Variants in HDAC9 observed in about 807,000 individuals in gnomAD.
HDAC9 encodes the protein histone deacetylase 9, also known as MEF-2 interacting transcription repressor (MITR) protein.
Under a neutral mutation model 139.4 loss-of-function variants are expected in HDAC9, and 41 were observed. The ratio of observed to expected loss-of-function variants is 0.29; its 90% CI spans 0.23 to 0.38. HDAC9 has a LOEUF of 0.38. Ranked by LOEUF, HDAC9 falls within the 10% of genes least tolerant of loss-of-function variation. HDAC9 has a pLI of 1.00. For missense variants in HDAC9, 1,147 were observed against 1,297.0 expected (o/e 0.88, Z 1.78); for synonymous variants, 517 against 476.2 (o/e 1.09, Z -1.12).
chr7:18,252,080 A>G (rs1282411181), intron 2 of HDAC9, among the ~76,000 whole-genome samples: 5 of 152,224 alleles, frequency 3.3e-5, no homozygotes, highest in Non-Finnish European at 7.3e-5. Context: ...TGCAGCATTT[A>G]CTGTCATAGA....
chr7:18,472,308 C>A (rs1475964681), intron 1 of HDAC9, among the ~76,000 whole-genome samples: 3 of 152,146 alleles, frequency 2.0e-5, no homozygotes, highest in Non-Finnish European at 4.4e-5. Context: ...CTGGTTCTGT[C>A]CTTGATTAGC....
chr7:18,836,428 G>A (rs1318320220), intron 21 of HDAC9, among the ~76,000 whole-genome samples: 2 of 152,034 alleles, frequency 1.3e-5, no homozygotes, highest in African/African-American at 4.8e-5. Flanking sequence ...CCTAGTTCTG[G>A]GGAGCTCACT....
At chr7:18,318,946 G>T (rs900618064) in intron 1 of HDAC9, among the ~76,000 whole-genome samples, 1 of 152,150 alleles carries the variant, frequency 6.6e-6, no homozygotes, top group Non-Finnish European at 1.5e-5. Context: ...ACAGCAGATA[G>T]ATCCAAGAAA....
intron 12 of HDAC9, among the ~76,000 whole-genome samples, chr7:18,705,300 C>T (rs1458582466): frequency 6.6e-6 from 1 of 152,136 alleles, no homozygotes; most frequent in African/African-American, 2.4e-5. Flanking sequence ...CTGACTCCTC[C>T]TTACTAAGTG....
At chr7:18,254,501 C>A (rs751804450) in intron 2 of HDAC9, among the ~76,000 whole-genome samples, 1 of 152,176 alleles carries the variant, frequency 6.6e-6, no homozygotes, top group Non-Finnish European at 1.5e-5. Context: ...AAAATTACTT[C>A]CAAGACCACC....
chr7:18,150,248 G>A (rs1186323203), intron 1 of HDAC9, among the ~76,000 whole-genome samples: 1 of 151,084 alleles, frequency 6.6e-6, no homozygotes, highest in African/African-American at 2.4e-5. Context: ...TTTTTGAGAT[G>A]TAGCAACAAA....
chr7:18,096,465 G>A (rs1044559837), intron 1 of HDAC9, among the ~76,000 whole-genome samples: 4 of 152,260 alleles, frequency 2.6e-5, no homozygotes, highest in South Asian at 2.1e-4. Flanking sequence ...CATACAACAT[G>A]TATATTTAGA....
At position 18,177,095 on chromosome 7, in the gene HDAC9, A is replaced by T. The variant is rs78540777; in HGVS notation, c.25+14746A>T. ...GGGAGAACTGATAATCCGCCTACCCATCTGCCTTCCTACCTTTCTTAGTTT... is the reference window on the plus strand; with the variant it reads ...GGGAGAACTGATAATCCGCCTACCCTTCTGCCTTCCTACCTTTCTTAGTTT... On this transcript the variant is annotated intron_variant, in intron 2 of 12. Coordinates refer to the HDAC9 transcript ENST00000417496. Among the ~76,000 whole-genome samples, 17 of 152,296 alleles carry T rather than the reference A, an allele frequency of 1.1e-4. No homozygotes were observed. In the East Asian group the frequency reaches 2.9e-3, roughly 26 times the overall value.
intron 1 of HDAC9, among the ~76,000 whole-genome samples, chr7:18,145,487 C>T (rs762648000): frequency 4.6e-5 from 7 of 152,022 alleles, no homozygotes; most frequent in Non-Finnish European, 5.9e-5. Context: ...GGAAGCTGTG[C>T]ATATTTGTTG....
chr7:19,000,627 C>A lies in HDAC9; in HGVS notation c.*4565C>A, dbSNP rs886524713. ...AAATAACTAGGTCAGACAATGAAAC[C>A]TTAGACTTTTGATTGGGGCTGTTTG... On this transcript the variant is annotated 3_prime_UTR_variant, in exon 26 of 26. Transcript: ENST00000686413. 3 of 152,160 alleles carry A rather than the reference C, an allele frequency of 2.0e-5. No individual in the cohort carries two copies. The highest frequency in any genetic ancestry group is 7.2e-5 in the African/African-American group (3 of 41,448). 9.4% of individuals were successfully genotyped at this position (152,160 alleles called of 1,614,324 possible). A position where few individuals can be genotyped will look rare whatever the true frequency, so the allele number is the denominator to read the frequency against.
chr7:18,092,880 A>G (rs886224116), intron 1 of HDAC9, among the ~76,000 whole-genome samples: 10 of 152,204 alleles, frequency 6.6e-5, no homozygotes, highest in African/African-American at 2.4e-4. Context: ...CTACACATAC[A>G]TTAGTCTGGG....
In HDAC9 at chr7:18,315,368, G is replaced by A. The variant is rs77431053; in HGVS notation, c.-42+24853G>A. Among the ~76,000 whole-genome samples the A allele has an allele frequency of 6.6e-4, 101 of 152,222 alleles. 1 individual carries two copies. The East Asian group carries it at 0.015, about 22-fold the overall frequency. Reference sequence around the variant, plus strand: ...ATATATAAAGGAACTGAGGCACAGCGTGGCTCATTAGCTGCTCAAGGTCAC... The same window carrying A: ...ATATATAAAGGAACTGAGGCACAGCATGGCTCATTAGCTGCTCAAGGTCAC... On this transcript the variant is annotated intron_variant, in intron 1 of 3. Transcript: ENST00000413509.
intron 12 of HDAC9, among the ~76,000 whole-genome samples, chr7:18,689,482 C>A (rs1782520097): frequency 6.6e-6 from 1 of 151,948 alleles, no homozygotes; most frequent in African/African-American, 2.4e-5. Flanking sequence ...TATAACCAAA[C>A]AGTCCCTTTA....
Position 18,172,398 on chromosome 7 carries a change from C to T in HDAC9, c.25+10049C>T, listed in dbSNP as rs186291202. On this transcript the variant is annotated intron_variant, in intron 2 of 12. Transcript: ENST00000417496. ...AATTTTGTTGATCTTTTCAAAAAAC[C>T]AGCTCCTGGATTCATTGATTTTTTT... 2.0e-5 allele frequency among the ~76,000 whole-genome samples: 3 copies of T among 152,140 alleles called. No homozygotes were observed. In the East Asian group the frequency reaches 5.8e-4, roughly 29 times the overall value.
At chr7:18,581,808 G>A (rs541846986) in intron 2 of HDAC9, among the ~76,000 whole-genome samples, 1 of 152,286 alleles carries the variant, frequency 6.6e-6, no homozygotes, top group Admixed American at 6.5e-5. Context: ...ACAATTAAGA[G>A]ATCTTACAGG....
intron 21 of HDAC9, among the ~76,000 whole-genome samples, chr7:18,840,865 A>C (rs1347680071): frequency 6.6e-6 from 1 of 152,094 alleles, no homozygotes; most frequent in Non-Finnish European, 1.5e-5. Context: ...CCTGATGCTG[A>C]GTCTTTAATA....
At chr7:18,144,986 A>G (rs1273539408) in intron 1 of HDAC9, among the ~76,000 whole-genome samples, 1 of 152,202 alleles carries the variant, frequency 6.6e-6, no homozygotes, top group African/African-American at 2.4e-5. Flanking sequence ...TCAGCTTGTC[A>G]TCACCGACTC....
chr7:18,660,741 C>T (rs530903610), intron 11 of HDAC9, among the ~76,000 whole-genome samples: 36 of 152,146 alleles, frequency 2.4e-4, no homozygotes, highest in African/African-American at 6.5e-4. Context: ...AGAGAGAGCA[C>T]GGCGTAGACT....
chr7:18,652,100 A>G (rs910032879), intron 11 of HDAC9, among the ~76,000 whole-genome samples: 13 of 152,144 alleles, frequency 8.5e-5, no homozygotes, highest in Admixed American at 2.6e-4. Flanking sequence ...AACAGGTTCT[A>G]TTGCTAATAT....
Sources: gnomAD v4.1 joint callset for allele counts (sites outside exome capture counted in the v4.1 genomes callset) on GRCh38, gnomAD v4.1.1 for gene constraint, MANE v1.5 for transcripts, NCBI Gene and HGNC (gene_info 2026-07-23, HGNC 2026-07-21) for gene names.